RALYL: variants seen among roughly 807,000 people sequenced by gnomAD.
The protein encoded by RALYL is RALY RNA binding protein like, also known as RNA-binding Raly-like protein.
RALYL carries 29 observed loss-of-function variants against 35.1 expected under a neutral mutation model. That is an observed-to-expected ratio of 0.83 (90% CI 0.61 to 1.13). The LOEUF (loss-of-function observed/expected upper bound fraction) is 1.13, where lower values mean the gene tolerates loss of function less well. Ranked by LOEUF, RALYL falls within the 50% of genes most tolerant of loss-of-function variation. The pLI, the probability that RALYL is intolerant of heterozygous loss-of-function variation, is 0.00. For missense variants in RALYL, 359 were observed against 360.4 expected (o/e 1.00, Z 0.03); for synonymous variants, 120 against 127.6 (o/e 0.94, Z 0.40).
intron 2 of RALYL, among the ~76,000 whole-genome samples, chr8:84,611,825 G>A (rs993081273): frequency 6.6e-6 from 1 of 152,006 alleles, no homozygotes; most frequent in Non-Finnish European, 1.5e-5. Context: ...ATTTGGGATA[G>A]TTTAAAAGCT....
chr8:84,533,516 G>A (rs1437143415), intron 2 of RALYL, among the ~76,000 whole-genome samples: 1 of 152,098 alleles, frequency 6.6e-6, no homozygotes, highest in East Asian at 1.9e-4. Context: ...TTATTTTACT[G>A]TTACAATGCT....
At chr8:84,453,245 G>C (rs1344729842) in intron 1 of RALYL, among the ~76,000 whole-genome samples, 4 of 151,640 alleles carry the variant, frequency 2.6e-5, no homozygotes, top group Non-Finnish European at 5.9e-5. Context: ...TAGAGCTCTT[G>C]GCTATTTAGA....
rs555551932 is a variant in RALYL at position 84,513,651 on chromosome 8, G to A, written c.-23-15648G>A. Among the ~76,000 whole-genome samples the A allele has an allele frequency of 2.2e-4, 33 of 151,926 alleles. No homozygotes were observed. The South Asian group carries it at 4.4e-3, about 20-fold the overall frequency. On this transcript the variant is annotated intron_variant, in intron 1 of 8. Coordinates refer to ENST00000521268, the MANE Select transcript of RALYL (RefSeq NM_173848.7). ...ATTATCTTGTTATATTTAAATAAAC[G>A]TTTAGTTTTTTTAATTAGATGCATA... is the stretch of plus-strand genomic sequence containing the variant.
At chr8:84,840,661 A>T (rs2134572825) in intron 4 of RALYL, among the ~76,000 whole-genome samples, 1 of 152,326 alleles carries the variant, frequency 6.6e-6, no homozygotes, top group African/African-American at 2.4e-5. Context: ...AAGACACATA[A>T]TTGTCAGATT....
At chr8:84,358,361 T>C (rs1235622682) in intron 1 of RALYL, among the ~76,000 whole-genome samples, 2 of 152,040 alleles carry the variant, frequency 1.3e-5, no homozygotes, top group African/African-American at 4.8e-5. Context: ...TCCCCAGAAC[T>C]CTTCTTAGCT....
At chr8:84,566,800 C>A (rs1031618154) in intron 2 of RALYL, among the ~76,000 whole-genome samples, 7 of 151,664 alleles carry the variant, frequency 4.6e-5, no homozygotes, top group Non-Finnish European at 1.0e-4. Context: ...CCAGTAATTA[C>A]TTGTGGGTAA....
At chr8:84,702,645 C>T (rs1022934394) in intron 2 of RALYL, among the ~76,000 whole-genome samples, 1 of 151,858 alleles carries the variant, frequency 6.6e-6, no homozygotes. Context: ...TTCTTCCTCT[C>T]TCTCCTTCCT....
At chr8:84,330,778 A>T (rs1343727462) in intron 1 of RALYL, among the ~76,000 whole-genome samples, 4 of 152,086 alleles carry the variant, frequency 2.6e-5, no homozygotes, top group African/African-American at 9.7e-5. Context: ...GTGGGTTTTG[A>T]TAGAATCTTG....
chr8:84,505,474 T>C (rs1378337323), intron 1 of RALYL, among the ~76,000 whole-genome samples: 2 of 152,164 alleles, frequency 1.3e-5, no homozygotes, highest in East Asian at 1.9e-4. Flanking sequence ...GTGTTATTTT[T>C]GTTGGTTAAA....
intron 1 of RALYL, among the ~76,000 whole-genome samples, chr8:84,232,184 G>A (rs1480950497): frequency 1.3e-5 from 2 of 152,092 alleles, no homozygotes; most frequent in Non-Finnish European, 2.9e-5. Context: ...GACTTAGAAT[G>A]TGGGGGGATT....
At position 84,423,374 on chromosome 8, in the gene RALYL, C is replaced by T. The variant is rs1181232774; in HGVS notation, c.-23-105925C>T. Among the ~76,000 whole-genome samples, 193 of 149,958 alleles carry T rather than the reference C, an allele frequency of 1.3e-3. 2 individuals carry two copies. Among genetic ancestry groups the T allele is most frequent in the Admixed American group, 1.7e-3 (26 of 15,140 alleles). ...TTATCAGAGACTAGGATTGCAACCC[C>T]TGCCTTTTTTTGTTTTCCATTTGCT... On this transcript the variant is annotated intron_variant, in intron 1 of 8. Coordinates refer to ENST00000521268, the MANE Select transcript of RALYL (RefSeq NM_173848.7).
At position 84,478,922 on chromosome 8, in the gene RALYL, T is replaced by TAAAAAAAAAAAAA. The variant is rs1587656659; in HGVS notation, c.-23-50372_-23-50371insAAAAAAAAAAAAA. Among the ~76,000 whole-genome samples the TAAAAAAAAAAAAA allele has an allele frequency of 1.2e-3, 101 of 85,226 alleles. 8 individuals are homozygous for TAAAAAAAAAAAAA. The highest frequency in any genetic ancestry group is 1.8e-3 in the South Asian group (5 of 2,746). 55.9% of individuals were successfully genotyped at this position (85,226 alleles called of 152,430 possible). Reference sequence around the variant, plus strand: ...TAACACCGTGAAACCCCGTCTCTACTAAAAATACAAAACATTAGCCGGGCA... The same window carrying TAAAAAAAAAAAAA: ...TAACACCGTGAAACCCCGTCTCTACTAAAAAAAAAAAAAAAAAATACAAAACATTAGCCGGGCA... On this transcript the variant is annotated intron_variant, in intron 1 of 8. Transcript: ENST00000521268.
intron 4 of RALYL, among the ~76,000 whole-genome samples, chr8:84,849,322 A>C (rs1354637964): frequency 6.6e-6 from 1 of 152,182 alleles, no homozygotes; most frequent in Non-Finnish European, 1.5e-5. Flanking sequence ...AGAATTAAAA[A>C]ATCCTGAATT....
intron 6 of RALYL, among the ~76,000 whole-genome samples, chr8:84,870,070 G>A (rs1180031226): frequency 6.6e-6 from 1 of 152,058 alleles, no homozygotes; most frequent in Non-Finnish European, 1.5e-5. Context: ...TTTCTCTAGT[G>A]TTCTTCTTGC....
intron 2 of RALYL, among the ~76,000 whole-genome samples, chr8:84,547,866 G>A (rs1193933908): frequency 1.3e-5 from 2 of 152,074 alleles, no homozygotes; most frequent in Non-Finnish European, 2.9e-5. Context: ...GTTTCCAGTG[G>A]TTTTCATTGT....
At chr8:84,623,365 G>T (rs139761596) in intron 2 of RALYL, among the ~76,000 whole-genome samples, 1 of 152,070 alleles carries the variant, frequency 6.6e-6, no homozygotes, top group Non-Finnish European at 1.5e-5. Flanking sequence ...TCACTTCAAA[G>T]GGCATATCTT....
At chr8:84,614,445 T>C (rs574920644) in intron 2 of RALYL, among the ~76,000 whole-genome samples, 5 of 151,784 alleles carry the variant, frequency 3.3e-5, no homozygotes, top group East Asian at 1.9e-4. Flanking sequence ...GGAAGAGTGG[T>C]CACTAAACTT....
chr8:84,919,736 A>C (rs1437255943), intron 8 of RALYL, among the ~76,000 whole-genome samples: 1 of 152,114 alleles, frequency 6.6e-6, no homozygotes, highest in Non-Finnish European at 1.5e-5. Flanking sequence ...TAGGGATATA[A>C]GTTTTTAAAT....
intron 2 of RALYL, among the ~76,000 whole-genome samples, chr8:84,773,875 C>T (rs1039977664): frequency 6.6e-6 from 1 of 152,130 alleles, no homozygotes; most frequent in East Asian, 1.9e-4. Context: ...CTGAAAAATT[C>T]TTAGCGAAAA....
Sources: gnomAD v4.1 joint callset for allele counts (sites outside exome capture counted in the v4.1 genomes callset) on GRCh38, gnomAD v4.1.1 for gene constraint, MANE v1.5 for transcripts, NCBI Gene and HGNC (gene_info 2026-07-23, HGNC 2026-07-21) for gene names.